The following ABCG2 variants were observed in gnomAD, a reference collection of about 807,000 sequenced individuals.
ABCG2 encodes broad substrate specificity ATP-binding cassette transporter ABCG2.
Under a neutral mutation model 73.5 loss-of-function variants are expected in ABCG2, and 80 were observed. The ratio of observed to expected loss-of-function variants is 1.09; its 90% confidence interval spans 0.91 to 1.31. ABCG2 has a LOEUF of 1.31. Ranked by LOEUF, ABCG2 falls within the 50% of genes most tolerant of loss-of-function variation. ABCG2 has a pLI of 0.00. For missense variants in ABCG2, 796 were observed against 786.2 expected, an observed-to-expected ratio of 1.01 and a Z score of -0.15; for synonymous variants, 269 against 282.4, an observed-to-expected ratio of 0.95 and a Z score of 0.48.
At chr4:88,187,302 G>T (rs1728505796) in intron 1 of ABCG2, among the ~76,000 whole-genome samples, 1 of 152,012 alleles carries the variant, frequency 6.6e-6, no homozygotes, top group African/African-American at 2.4e-5. Flanking sequence ...TAATTGGGTT[G>T]TCTGTGACAC....
intron 2 of ABCG2, among the ~76,000 whole-genome samples, chr4:88,134,889 G>A (rs1560700535): frequency 6.6e-6 from 1 of 152,170 alleles, no homozygotes; most frequent in Non-Finnish European, 1.5e-5. Flanking sequence ...TAGGGCATGG[G>A]AGAGTTGAGA....
chr4:88,096,778 T>C (rs1324473493), intron 13 of ABCG2, among the ~76,000 whole-genome samples: 1 of 151,968 alleles, frequency 6.6e-6, no homozygotes, highest in Admixed American at 6.6e-5. Context: ...CAGAAACATA[T>C]TGAATGTCAG....
intron 1 of ABCG2, among the ~76,000 whole-genome samples, chr4:88,210,220 C>CACAT (rs1339415862): frequency 1.7e-4 from 22 of 131,046 alleles, no homozygotes; most frequent in African/African-American, 6.3e-4. Flanking sequence ...CACACACACA[C>CACAT]ATATACATAT....
intron 1 of ABCG2, among the ~76,000 whole-genome samples, chr4:88,182,127 T>A (rs1389713802): frequency 6.6e-6 from 1 of 152,054 alleles, no homozygotes; most frequent in African/African-American, 2.4e-5. Context: ...AAGATGTAGC[T>A]ATATATATGT....
chr4:88,145,431 C>T (rs1405641644), intron 1 of ABCG2, among the ~76,000 whole-genome samples: 2 of 152,160 alleles, frequency 1.3e-5, no homozygotes, highest in Non-Finnish European at 2.9e-5. Context: ...TGATTATATT[C>T]AGGCCCAAAG....
At chr4:88,113,592 TAAC>T (rs1387261918) in intron 8 of ABCG2, 39 bp from the exon 9 acceptor site, 2 of 1,596,532 alleles carry the variant, frequency 1.3e-6, no homozygotes, top group Non-Finnish European at 1.7e-6. Flanking sequence ...ACAAACAAGA[TAAC>T]AACAAATTTA....
chr4:88,195,317 A>G (rs1467684601), intron 1 of ABCG2, among the ~76,000 whole-genome samples: 1 of 152,222 alleles, frequency 6.6e-6, no homozygotes. Context: ...CTAAAACTGT[A>G]TCATTTATAA....
chr4:88,109,148 A>G (rs1008927888), intron 9 of ABCG2, among the ~76,000 whole-genome samples: 2 of 151,556 alleles, frequency 1.3e-5, no homozygotes, highest in Non-Finnish European at 2.9e-5. Context: ...ACATGCGCCC[A>G]CCACCAAGCC....
intron 1 of ABCG2, among the ~76,000 whole-genome samples, chr4:88,177,390 A>T (rs944643893): frequency 2.6e-5 from 4 of 151,170 alleles, no homozygotes; most frequent in African/African-American, 9.7e-5. Flanking sequence ...AAAAAAATTA[A>T]AAAAAAAAGA....
chr4:88,158,700 G>C (rs1235111272), upstream of ABCG2: 1 of 454,292 alleles, frequency 2.2e-6, no homozygotes, highest in African/African-American at 2.0e-5. Flanking sequence ...GCCCGCGCGC[G>C]GCACAACCCC....
At chr4:88,112,189 T>C (rs114075855) in intron 9 of ABCG2, among the ~76,000 whole-genome samples, 2,506 of 152,296 alleles carry the variant, frequency 0.016, 27 homozygotes, top group Middle Eastern at 0.048. Flanking sequence ...CATTATCTCA[T>C]TTTGATTAAC....
At position 88,107,217 on chromosome 4, in the gene ABCG2, C is replaced by T. The variant is rs895295302; in HGVS notation, c.1244G>A (p.Gly415Glu). The change falls in exon 10 of 16, where the codon GGG becomes GAG. Residue 415 changes from glycine to glutamate, a missense_variant. Coordinates refer to ENST00000237612, the MANE Select transcript of ABCG2 (RefSeq NM_004827.3). ...LGLVIGAIYF[G>E]LKNDSTGIQN... is the part of the protein sequence containing the mutation. The stretch of plus-strand genomic sequence containing the variant: ...GATTCCAGTAGAATCATTTTTTAGC[C>T]CAAAGTAAATGGCACCTATAACCAG... 134 of 1,612,674 alleles carry T rather than the reference C, an allele frequency of 8.3e-5. No individual in the cohort carries two copies. The highest frequency in any genetic ancestry group is 1.1e-4 in the Non-Finnish European group (132 of 1,179,558).
At position 88,194,125 on chromosome 4, in the gene ABCG2, A is replaced by T. The variant is rs1297276798; in HGVS notation, c.-20+36869T>A. On this transcript the variant is annotated intron_variant, in intron 1 of 15. Transcript: ENST00000515655. The stretch of plus-strand genomic sequence containing the variant: ...TTCACCTGACATTTCATAGAAACAG[A>T]GTGCTCTTTGCCTTTTCCTCTTTCC... 2.6e-5 allele frequency among the ~76,000 whole-genome samples: 4 copies of T among 152,212 alleles called. No homozygotes were observed. The East Asian group carries it at 7.7e-4, about 29-fold the overall frequency.
chr4:88,114,965 T>G lies in ABCG2; in HGVS notation c.935A>C (p.Asp312Ala). The G allele has an allele frequency of 6.2e-7, 1 of 1,608,640 alleles. No homozygotes were observed. The highest frequency in any genetic ancestry group is 8.5e-7 in the Non-Finnish European group (1 of 1,175,804). Residue 312 changes from aspartate to alanine, a missense_variant, in exon 8 of 16, where the codon GAC becomes GCC. Coordinates refer to ENST00000237612, the MANE Select transcript of ABCG2 (RefSeq NM_004827.3). ...STAVALNREE[D>A]FKATEIIEPS... is the part of the protein sequence containing the mutation. ...GTAACAGATTCATATACCTTTAAAG[T>G]CTTCTTCTCTGTTTAATGCCACAGC...
intron 1 of ABCG2, among the ~76,000 whole-genome samples, chr4:88,222,106 G>T (rs1167340534): frequency 6.6e-6 from 1 of 152,206 alleles, no homozygotes; most frequent in African/African-American, 2.4e-5. Context: ...GTGGCTAAAG[G>T]GGCCAACGTA....
upstream of ABCG2, among the ~76,000 whole-genome samples, chr4:88,160,891 C>G (rs1017093264): frequency 5.4e-5 from 8 of 146,980 alleles, no homozygotes; most frequent in African/African-American, 2.0e-4. Flanking sequence ...TAGAAAATTG[C>G]TGGGCAAGGA....
At chr4:88,104,709 G>A (rs1722660530) in intron 10 of ABCG2, among the ~76,000 whole-genome samples, 1 of 151,548 alleles carries the variant, frequency 6.6e-6, no homozygotes, top group Non-Finnish European at 1.5e-5. Flanking sequence ...CAAATTATGA[G>A]CCCAGGAGTT....
At chr4:88,106,805 C>T (rs1023836497) in intron 10 of ABCG2, among the ~76,000 whole-genome samples, 3 of 152,170 alleles carry the variant, frequency 2.0e-5, no homozygotes, top group African/African-American at 2.4e-5. Context: ...CTTTGGGAGG[C>T]CAAGGTGGGT....
At position 88,115,135 on chromosome 4, in the gene ABCG2, G is replaced by A. The variant is rs1025439610; in HGVS notation, c.842-77C>T. The A allele has an allele frequency of 1.5e-5, 14 of 964,834 alleles. No homozygotes were observed. The Admixed American group carries it at 1.9e-4, about 13-fold the overall frequency. The allele number at this position is 964,834 out of a possible 1,614,324, so 59.8% of individuals were successfully genotyped here. On this transcript the variant is annotated intron_variant, in intron 7 of 15. Coordinates refer to ENST00000237612, the MANE Select transcript of ABCG2 (RefSeq NM_004827.3). ...AGAGAACTCACTTTCAGAGGGTGAG[G>A]GAGGTAAGGCTAGAGAAGACAGAAT...
Sources: gnomAD v4.1 joint callset for allele counts (sites outside exome capture counted in the v4.1 genomes callset) on GRCh38, gnomAD v4.1.1 for gene constraint, MANE v1.5 for transcripts, NCBI Gene and HGNC (gene_info 2026-07-23, HGNC 2026-07-21) for gene names.